The following ITGB5 variants were observed in gnomAD, a reference collection of about 807,000 sequenced individuals.
ITGB5 encodes the protein integrin subunit beta 5.
Under a neutral mutation model 84.8 loss-of-function variants are expected in ITGB5, and 38 were observed. The ratio of observed to expected loss-of-function variants is 0.45; its 90% CI spans 0.35 to 0.59. ITGB5 has a LOEUF of 0.59. ITGB5 is among the 20% of genes least tolerant of loss of function. The probability of loss-of-function intolerance (pLI) is 0.01; values close to 1 mark genes in which losing one functional copy is unlikely to be tolerated. For synonymous variants in ITGB5, 393 were observed against 414.4 expected (o/e 0.95, Z 0.63); for missense variants, 905 against 1,034.5 (o/e 0.87, Z 1.72).
intron 1 of ITGB5, among the ~76,000 whole-genome samples, chr3:124,875,409 G>A (rs1031313272): frequency 1.3e-4 from 20 of 151,038 alleles, no homozygotes; most frequent in Admixed American, 4.6e-4. Context: ...CCCAGGAGGC[G>A]GAGGCTGCAG....
Position 124,775,136 on chromosome 3 carries a change from C to T in ITGB5, c.1694-1224G>A, listed in dbSNP as rs866870756. On this transcript the variant is annotated intron_variant, in intron 10 of 14. Coordinates refer to ENST00000296181, the MANE Select transcript of ITGB5 (RefSeq NM_002213.5). ...TCCATCGCCTGCAAGGGTGGAGAGG[C>T]GGGGGCTGCCCCCACTCAGCAGGTG... is the stretch of plus-strand genomic sequence containing the variant. Among the ~76,000 whole-genome samples, 115 of 152,270 alleles carry T rather than the reference C, an allele frequency of 7.6e-4. 1 individual carries two copies. Among genetic ancestry groups the T allele is most frequent in the Middle Eastern group, 3.4e-3 (1 of 294 alleles).
At position 124,821,323 on chromosome 3, in the gene ITGB5, G is replaced by A; in HGVS notation, c.932C>T (p.Ser311Phe). 6.2e-7 allele frequency: 1 copy of A among 1,613,232 alleles called. No homozygotes were observed. Among genetic ancestry groups the A allele is most frequent in the Non-Finnish European group, 8.5e-7 (1 of 1,179,570 alleles). ...GTTCCCGGCACTCACCATCTGGTTGGATGCAGTGTACTCGTTGGCCTCGTT... is the reference window on the plus strand; with the variant it reads ...GTTCCCGGCACTCACCATCTGGTTGAATGCAGTGTACTCGTTGGCCTCGTT... ...HLNEANEYTA[S>F]NQMDYPSLAL... The change falls in exon 6 of 15, where the codon TCC becomes TTC. Residue 311 changes from serine to phenylalanine, a missense_variant. By Grantham distance (155) the Ser-to-Phe change is radical (BLOSUM62 -2). Around this residue, in one of 3 missense-constraint regions of ITGB5, gnomAD observed 656 missense variants for 734.7 expected, o/e 0.89. Coordinates refer to ENST00000296181, the MANE Select transcript of ITGB5 (RefSeq NM_002213.5).
At position 124,786,334 on chromosome 3, in the gene ITGB5, T is replaced by G. The variant is rs545104828; in HGVS notation, c.1693+10054A>C. ...GGAGGATTGCTTGAGCCCAGGAGTT[T>G]GAGGCTGCAGTAGGCTACTGAGTGT... On this transcript the variant is annotated intron_variant, in intron 10 of 14. Transcript: ENST00000296181. Among the ~76,000 whole-genome samples the G allele has an allele frequency of 2.6e-5, 4 of 151,932 alleles. No homozygotes were observed. The East Asian group carries it at 7.7e-4, about 29-fold the overall frequency.
At position 124,876,013 on chromosome 3, in the gene ITGB5, G is replaced by A. The variant is rs182084072; in HGVS notation, c.71-2482C>T. 2.8e-3 allele frequency among the ~76,000 whole-genome samples: 434 copies of A among 152,284 alleles called. 12 individuals are homozygous for A. The highest frequency in any genetic ancestry group is 0.024 in the Admixed American group (369 of 15,296). On this transcript the variant is annotated intron_variant, in intron 1 of 14. Transcript: ENST00000296181. The stretch of plus-strand genomic sequence containing the variant: ...GGGTTGAGGTGGGATGGAGAAAGGC[G>A]AGATGGTTAAAGGGTACAAAGTTCC...
At chr3:124,799,096 C>T (rs1474587025) in intron 9 of ITGB5, among the ~76,000 whole-genome samples, 1 of 152,144 alleles carries the variant, frequency 6.6e-6, no homozygotes, top group Non-Finnish European at 1.5e-5. Flanking sequence ...GCTAGCTCCA[C>T]CTTACCTTCC....
At chr3:124,841,574 T>A in intron 4 of ITGB5, 23 bp from the exon 5 acceptor site, 1 of 1,609,042 alleles carries the variant, frequency 6.2e-7, no homozygotes, top group Non-Finnish European at 8.5e-7. Flanking sequence ...AAGAGAAGAG[T>A]CACTTTTCCA....
chr3:124,897,900 C>G (rs1039136274), intron 1 of ITGB5, among the ~76,000 whole-genome samples: 3 of 152,150 alleles, frequency 2.0e-5, no homozygotes, highest in Admixed American at 1.3e-4. Flanking sequence ...CCCTGCCTCC[C>G]TTGGGGTGTT....
intron 9 of ITGB5, among the ~76,000 whole-genome samples, chr3:124,797,905 C>T (rs781242181): frequency 2.0e-5 from 3 of 152,024 alleles, no homozygotes; most frequent in Non-Finnish European, 2.9e-5. Flanking sequence ...GACAGAGGCC[C>T]GGCCCACCCC....
intron 10 of ITGB5, among the ~76,000 whole-genome samples, chr3:124,783,065 T>C (rs1381051720): frequency 6.6e-6 from 1 of 150,910 alleles, no homozygotes; most frequent in Non-Finnish European, 1.5e-5. Context: ...CTGAGGTGGG[T>C]GGATCACTTG....
At chr3:124,864,096 C>CTTTTT (rs558311822) in intron 2 of ITGB5, among the ~76,000 whole-genome samples, 3 of 45,530 alleles carry the variant, frequency 6.6e-5, no homozygotes, top group Non-Finnish European at 8.6e-5. Context: ...ACCTATATTT[C>CTTTTT]TTTTTTTTTT....
intron 5 of ITGB5, among the ~76,000 whole-genome samples, chr3:124,829,207 TTC>T (rs1432451456): frequency 2.6e-5 from 4 of 152,248 alleles, no homozygotes; most frequent in Admixed American, 6.5e-5. Context: ...GTTGAATATA[TTC>T]TCTTTTTATA....
At chr3:124,848,599 AC>A in intron 3 of ITGB5, 41 bp from the exon 4 acceptor site, 1 of 1,586,340 alleles carries the variant, frequency 6.3e-7, no homozygotes, top group African/African-American at 1.3e-5. Context: ...AGGTTGTGCA[AC>A]CTGCTGAGGG....
chr3:124,897,939 C>G (rs1413490947), intron 1 of ITGB5, among the ~76,000 whole-genome samples: 1 of 152,212 alleles, frequency 6.6e-6, no homozygotes, highest in Admixed American at 6.5e-5. Flanking sequence ...AGTTCTAAGC[C>G]AATATGATGT....
intron 2 of ITGB5, among the ~76,000 whole-genome samples, chr3:124,860,679 A>G (rs746626813): frequency 1.3e-5 from 2 of 152,224 alleles, no homozygotes; most frequent in East Asian, 3.8e-4. Context: ...GGCAGGCTGG[A>G]AGCCAATGCT....
At chr3:124,770,039 TTGTC>T (rs749801329) in intron 11 of ITGB5, 12 of 152,224 alleles carry the variant, frequency 7.9e-5, no homozygotes, top group African/African-American at 2.4e-4. Context: ...CACACATTCT[TTGTC>T]TGTCTTCGGA....
At chr3:124,797,090 T>C (rs1200628277) in intron 9 of ITGB5, among the ~76,000 whole-genome samples, 2 of 152,198 alleles carry the variant, frequency 1.3e-5, no homozygotes, top group Non-Finnish European at 2.9e-5. Context: ...CCTGAGGAAA[T>C]GGGCCCCTGC....
chr3:124,780,344 A>G (rs2063986375), intron 10 of ITGB5, among the ~76,000 whole-genome samples: 1 of 152,158 alleles, frequency 6.6e-6, no homozygotes, highest in Non-Finnish European at 1.5e-5. Flanking sequence ...CCAGCTTGGG[A>G]TGGGGCAGAA....
At chr3:124,885,157 C>T (rs1389206780) in intron 1 of ITGB5, among the ~76,000 whole-genome samples, 1 of 152,016 alleles carries the variant, frequency 6.6e-6, no homozygotes, top group Non-Finnish European at 1.5e-5. Context: ...GTAATCATTG[C>T]TACTTGGGAG....
intron 1 of ITGB5, among the ~76,000 whole-genome samples, chr3:124,895,302 C>T (rs552845491): frequency 6.6e-6 from 1 of 152,348 alleles, no homozygotes; most frequent in East Asian, 1.9e-4. Flanking sequence ...TCATAGCTCA[C>T]TACAGCCTCA....
Sources: gnomAD v4.1 joint callset for allele counts (sites outside exome capture counted in the v4.1 genomes callset) on GRCh38, gnomAD v4.1.1 for gene constraint, gnomAD v4.1.1 regional missense constraint, MANE v1.5 for transcripts, NCBI Gene and HGNC (gene_info 2026-07-23, HGNC 2026-07-21) for gene names.